The following ATG7 variants were observed in gnomAD, a reference collection of about 807,000 sequenced individuals.
ATG7 encodes ubiquitin-like modifier-activating enzyme ATG7.
In ATG7, 70 loss-of-function variants were observed where a neutral mutation model predicts 82.4. The ratio of observed to expected loss-of-function variants is 0.85; its 90% CI spans 0.70 to 1.04. The LOEUF is 1.04. ATG7 is among the 50% of genes least tolerant of loss of function. ATG7 has a pLI of 0.00. For missense variants in ATG7, 792 were observed against 864.3 expected, an observed-to-expected ratio of 0.92 and a Z score of 1.05; for synonymous variants, 287 against 313.0, an observed-to-expected ratio of 0.92 and a Z score of 0.88.
intron 19 of ATG7, among the ~76,000 whole-genome samples, chr3:11,382,353 A>T (rs1265643843): frequency 2.0e-5 from 3 of 152,256 alleles, no homozygotes. Context: ...GGTGGGGAAG[A>T]ATACAGTGCT....
At position 11,313,607 on chromosome 3, in the gene ATG7, TTA is replaced by T. The variant is rs1456741163; in HGVS notation, c.528+193_528+194del. 3.9e-5 allele frequency among the ~76,000 whole-genome samples: 6 copies of T among 152,132 alleles called. No homozygotes were observed. The South Asian group carries it at 6.2e-4, about 16-fold the overall frequency. On this transcript the variant is annotated intron_variant, in intron 8 of 20. Coordinates refer to ENST00000693202, the MANE Select transcript of ATG7 (RefSeq NM_001349232.2). ...TAAAGTCATTTTTTTGTATATATATTTATATATGTTTTGAGACTGGGTCTCAC... is the reference window on the plus strand; with the variant it reads ...TAAAGTCATTTTTTTGTATATATATTTATATGTTTTGAGACTGGGTCTCAC...
chr3:11,321,472 A>G (rs1020035949), intron 9 of ATG7, among the ~76,000 whole-genome samples: 2 of 152,210 alleles, frequency 1.3e-5, no homozygotes, highest in Admixed American at 1.3e-4. Context: ...TTATCCTTAC[A>G]TGCCCTGCAA....
intron 20 of ATG7, among the ~76,000 whole-genome samples, chr3:11,476,349 T>C (rs1335355429): frequency 1.3e-5 from 2 of 152,032 alleles, no homozygotes; most frequent in Non-Finnish European, 2.9e-5. Flanking sequence ...ATGTGTTAGC[T>C]CAATGCCGTG....
At chr3:11,420,899 G>A (rs2081883775) in intron 19 of ATG7, among the ~76,000 whole-genome samples, 1 of 151,812 alleles carries the variant, frequency 6.6e-6, no homozygotes, top group Non-Finnish European at 1.5e-5. Context: ...GGGACTACAG[G>A]TGTATGCCAC....
At chr3:11,341,378 A>AGAATTATTTCAT (rs1575570705) in intron 12 of ATG7, among the ~76,000 whole-genome samples, 3 of 151,344 alleles carry the variant, frequency 2.0e-5, no homozygotes, top group East Asian at 3.9e-4. Flanking sequence ...CCCACCTTGA[A>AGAATTATTTCAT]GGATATTAGA....
intron 9 of ATG7, among the ~76,000 whole-genome samples, chr3:11,315,998 T>C (rs1462747001): frequency 6.6e-6 from 1 of 152,166 alleles, no homozygotes; most frequent in Non-Finnish European, 1.5e-5. Flanking sequence ...GGATTATAGG[T>C]GTGAGCCACT....
At chr3:11,455,226 T>G (rs2085586536) in intron 20 of ATG7, among the ~76,000 whole-genome samples, 1 of 152,258 alleles carries the variant, frequency 6.6e-6, no homozygotes, top group African/African-American at 2.4e-5. Flanking sequence ...AGCCTTTTCA[T>G]GAAGCAAGTT....
At chr3:11,468,857 CATGACCCTGA>C (rs1474344630) in intron 20 of ATG7, among the ~76,000 whole-genome samples, 2 of 152,178 alleles carry the variant, frequency 1.3e-5, no homozygotes, top group Admixed American at 6.5e-5. Context: ...GATTTGGAAC[CATGACCCTGA>C]GTGGACCTAA....
intron 20 of ATG7, among the ~76,000 whole-genome samples, chr3:11,441,707 C>G (rs1326409608): frequency 6.8e-6 from 1 of 147,952 alleles, no homozygotes; most frequent in African/African-American, 2.5e-5. Context: ...TGCTCTGTTG[C>G]CCAGGCTGGA....
At chr3:11,526,396 A>AACAACAAAAAAACCCCCAG (rs1319285394) in intron 20 of ATG7, among the ~76,000 whole-genome samples, 5 of 152,194 alleles carry the variant, frequency 3.3e-5, no homozygotes, top group African/African-American at 9.7e-5. Context: ...AAGTCTCAAA[A>AACAACAAAAAAACCCCCAG]ACAACAAAAA....
At chr3:11,413,912 A>G (rs867460877) in intron 19 of ATG7, among the ~76,000 whole-genome samples, 1 of 152,176 alleles carries the variant, frequency 6.6e-6, no homozygotes, top group South Asian at 2.1e-4. Flanking sequence ...TATTGGTTAT[A>G]GGTCTATTCA....
intron 20 of ATG7, among the ~76,000 whole-genome samples, chr3:11,521,696 G>A (rs547714823): frequency 6.6e-6 from 1 of 152,194 alleles, no homozygotes; most frequent in South Asian, 2.1e-4. Context: ...GGGATTACAG[G>A]CGCCTGCCAC....
At chr3:11,506,367 T>A (rs2091708554) in intron 20 of ATG7, among the ~76,000 whole-genome samples, 1 of 152,096 alleles carries the variant, frequency 6.6e-6, no homozygotes, top group Non-Finnish European at 1.5e-5. Flanking sequence ...GCATTTCAAG[T>A]GCTTAGTAGC....
chr3:11,444,575 C>T (rs1280815501), intron 20 of ATG7, among the ~76,000 whole-genome samples: 1 of 152,054 alleles, frequency 6.6e-6, no homozygotes, highest in East Asian at 1.9e-4. Flanking sequence ...CTCTTCTGGA[C>T]CATGGACTTA....
chr3:11,348,187 C>CA, intron 14 of ATG7, 152 bp downstream of exon 14: 3 of 1,090,400 alleles, frequency 2.8e-6, no homozygotes, highest in Non-Finnish European at 1.3e-6. Context: ...TTCCTCATCT[C>CA]AGAGAGGGAT....
intron 20 of ATG7, among the ~76,000 whole-genome samples, chr3:11,513,609 C>T (rs893653764): frequency 1.3e-5 from 2 of 152,232 alleles, no homozygotes; most frequent in South Asian, 2.1e-4. Flanking sequence ...AGCCCCAGTT[C>T]CTGCTCCCGC....
At chr3:11,415,031 C>A (rs187958597) in intron 19 of ATG7, among the ~76,000 whole-genome samples, 1 of 152,152 alleles carries the variant, frequency 6.6e-6, no homozygotes. Flanking sequence ...TTATACAAAC[C>A]GTGACAGCAT....
the ATG7 span, among the ~76,000 whole-genome samples, chr3:11,575,674 G>C: frequency 1.3e-5 from 2 of 152,358 alleles, no homozygotes; most frequent in South Asian, 2.1e-4. Flanking sequence ...TTTAGTTAGA[G>C]ACCTGTCGGA....
Position 11,342,130 on chromosome 3 carries a change from T to A in ATG7, c.981-5T>A. 1 of 1,609,954 alleles carries A rather than the reference T, an allele frequency of 6.2e-7. No homozygotes were observed. The highest frequency in any genetic ancestry group is 8.5e-7 in the Non-Finnish European group (1 of 1,179,010). On this transcript the variant is annotated splice_region_variant and splice_polypyrimidine_tract_variant and intron_variant, in intron 12 of 20. Coordinates refer to ENST00000693202, the MANE Select transcript of ATG7 (RefSeq NM_001349232.2). ...GACTGAATAAGTAAATCTCTCCTTT[T>A]CTAGGTTAGCTGAGTCATCAGTGGA...
Sources: allele counts gnomAD v4.1 joint callset (sites outside exome capture counted in the v4.1 genomes callset), GRCh38; gene constraint gnomAD v4.1.1; transcripts MANE v1.5; gene names NCBI Gene and HGNC (gene_info 2026-07-23, HGNC 2026-07-21).